Variants in TMEM26 observed in about 807,000 individuals in gnomAD.
TMEM26 encodes transmembrane protein 26.
TMEM26 carries 38 observed loss-of-function variants against 28.8 expected under a neutral mutation model. That is an observed-to-expected ratio of 1.32 (90% CI 1.02 to 1.73). The LOEUF (loss-of-function observed/expected upper bound fraction) is 1.73. TMEM26 is among the 40% of genes most tolerant of loss of function. The pLI, the probability that TMEM26 is intolerant of heterozygous loss-of-function variation, is 0.00. For missense variants in TMEM26, 518 were observed against 447.1 expected (o/e 1.16, Z -1.43); for synonymous variants, 227 against 182.9 (o/e 1.24, Z -1.95).
intron 1 of TMEM26, among the ~76,000 whole-genome samples, chr10:61,437,877 A>G (rs1335883597): frequency 6.6e-6 from 1 of 152,246 alleles, no homozygotes; most frequent in African/African-American, 2.4e-5. Flanking sequence ...ATGTCACTAT[A>G]ATTTTATTAA....
Position 61,428,978 on chromosome 10 carries a change from C to T in TMEM26, c.553G>A (p.Ala185Thr). 1 of 1,613,232 alleles carries T rather than the reference C, an allele frequency of 6.2e-7. No individual in the cohort carries two copies. The highest frequency in any genetic ancestry group is 8.5e-7 in the Non-Finnish European group (1 of 1,179,438). ...CTTGTGAATTCCAGTATGTCAGCCG[C>T]TGTCCCCACAAACATAAGAAGAAGT... ...SQLLLMFVGT[A>T]ADILEFTSET... Residue 185 changes from alanine to threonine, a missense_variant, in exon 4 of 6, where the codon GCG (alanine) becomes ACG (threonine). Physicochemically the swap from Ala to Thr is moderately conservative, Grantham distance 58 (BLOSUM62 0). Coordinates refer to ENST00000399298, the MANE Select transcript of TMEM26 (RefSeq NM_178505.8).
At chr10:61,432,392 G>T (rs971404189) in intron 2 of TMEM26, among the ~76,000 whole-genome samples, 1 of 151,982 alleles carries the variant, frequency 6.6e-6, no homozygotes, top group East Asian at 1.9e-4. Context: ...CAAGTGAATT[G>T]TGCATGATAT....
chr10:61,423,682 G>A (rs1457417565), intron 4 of TMEM26, among the ~76,000 whole-genome samples: 5 of 152,122 alleles, frequency 3.3e-5, no homozygotes, highest in South Asian at 2.1e-4. Context: ...GTGCAATGGT[G>A]ATCACACTGG....
chr10:61,422,595 G>A (rs1021425912), intron 4 of TMEM26, among the ~76,000 whole-genome samples: 3 of 152,000 alleles, frequency 2.0e-5, no homozygotes, highest in African/African-American at 7.2e-5. Context: ...AAAATATTTT[G>A]AACTGCATTA....
chr10:61,450,806 T>C (rs1372986072), intron 1 of TMEM26, among the ~76,000 whole-genome samples: 4 of 152,300 alleles, frequency 2.6e-5, no homozygotes, highest in African/African-American at 9.6e-5. Context: ...CAATGGTTTA[T>C]TGGCTAGTCA....
In TMEM26 at chr10:61,436,227, T is replaced by C. The variant is rs1424391133; in HGVS notation, c.213A>G (p.Leu71=). The C allele has an allele frequency of 2.5e-6, 4 of 1,599,602 alleles. No individual in the cohort carries two copies. The South Asian group carries it at 4.5e-5, about 18-fold the overall frequency. ...GYKWFSPAIF[L]YLISIVPSLW... is the part of the protein sequence containing the mutation. ...ATGATGGAACGATGCTAATCAGATA[T>C]AAAAATATGGCTGGTGAAAACCTGT... Residue 71 remains leucine (L), a synonymous_variant, in exon 2 of 6, where the codon TTA becomes TTG. Coordinates refer to ENST00000399298, the MANE Select transcript of TMEM26 (RefSeq NM_178505.8).
intron 3 of TMEM26, among the ~76,000 whole-genome samples, chr10:61,430,639 T>C (rs1319445597): frequency 6.6e-6 from 1 of 150,490 alleles, no homozygotes; most frequent in Non-Finnish European, 1.5e-5. Flanking sequence ...AAGGTTGATA[T>C]ACAAAAGTTA....
intron 3 of TMEM26, 137 bp from the exon 4 acceptor site, chr10:61,429,283 A>T: frequency 1.5e-6 from 1 of 686,606 alleles, no homozygotes; most frequent in Non-Finnish European, 2.4e-6. Flanking sequence ...CTTACTAAAG[A>T]AAGTAAAATG....
Position 61,408,120 on chromosome 10 carries a change from A to C in TMEM26, c.*2202T>G, listed in dbSNP as rs2135281199. 1 of 152,312 alleles carries C rather than the reference A, an allele frequency of 6.6e-6. No individual in the cohort carries two copies. Among genetic ancestry groups the C allele is most frequent in the South Asian group, 2.1e-4 (1 of 4,830 alleles). 9.4% of individuals were successfully genotyped at this position (152,312 alleles called of 1,614,324 possible). A position where few individuals can be genotyped will look rare whatever the true frequency, so the allele number is the denominator to read the frequency against. On this transcript the variant is annotated 3_prime_UTR_variant, in exon 6 of 6. Coordinates refer to ENST00000399298, the MANE Select transcript of TMEM26 (RefSeq NM_178505.8). ...GCAGCCAGTATAAGAGAGTAGGAGT[A>C]CTGGCAGCTAGGTTAACAAATGCTG... is the stretch of plus-strand genomic sequence containing the variant.
chr10:61,425,009 T>TA (rs766533864), intron 4 of TMEM26, among the ~76,000 whole-genome samples: 1 of 152,182 alleles, frequency 6.6e-6, no homozygotes, highest in Non-Finnish European at 1.5e-5. Flanking sequence ...ATGCTGCTGA[T>TA]AAAGACATAC....
At chr10:61,433,391 A>T (rs1839953890) in intron 2 of TMEM26, among the ~76,000 whole-genome samples, 1 of 152,064 alleles carries the variant, frequency 6.6e-6, no homozygotes, top group African/African-American at 2.4e-5. Context: ...GTTCACATAG[A>T]TTATCTGGAT....
intron 5 of TMEM26, 123 bp downstream of exon 5, chr10:61,413,336 G>A: frequency 6.9e-7 from 1 of 1,450,666 alleles, no homozygotes; most frequent in Non-Finnish European, 9.1e-7. Context: ...CTTCTAAGCT[G>A]AACTAGAACT....
chr10:61,439,716 A>G (rs1024763681), intron 1 of TMEM26, among the ~76,000 whole-genome samples: 2 of 152,186 alleles, frequency 1.3e-5, no homozygotes, highest in African/African-American at 4.8e-5. Flanking sequence ...TACCCATCTC[A>G]TAGTGTAGTT....
chr10:61,451,334 G>C (rs1008073694), intron 1 of TMEM26, among the ~76,000 whole-genome samples: 2 of 152,158 alleles, frequency 1.3e-5, no homozygotes, highest in African/African-American at 4.8e-5. Flanking sequence ...ACTCTTGGAG[G>C]GGGAGAGCAG....
intron 4 of TMEM26, chr10:61,414,546 A>T (rs1310094723): frequency 6.6e-6 from 1 of 152,064 alleles, no homozygotes; most frequent in Admixed American, 6.6e-5. Flanking sequence ...GAGATTTCTA[A>T]ACCATCATTA....
intron 4 of TMEM26, among the ~76,000 whole-genome samples, chr10:61,425,435 T>C (rs905370536): frequency 6.6e-5 from 10 of 152,270 alleles, no homozygotes; most frequent in African/African-American, 2.4e-4. Flanking sequence ...AAAGAACATA[T>C]TGATAGATTT....
At chr10:61,412,107 T>C (rs974075803) in intron 5 of TMEM26, among the ~76,000 whole-genome samples, 2 of 152,082 alleles carry the variant, frequency 1.3e-5, no homozygotes, top group Non-Finnish European at 2.9e-5. Context: ...TCCTAAGAAA[T>C]GAGGGCCAGG....
chr10:61,410,731 C>T lies in TMEM26; in HGVS notation c.698G>A (p.Cys233Tyr), dbSNP rs1368566933. The change falls in exon 6 of 6, where the codon TGC becomes TAC. Residue 233 changes from cysteine (C) to tyrosine (Y), a missense_variant. Physicochemically the swap from Cys to Tyr is radical, Grantham distance 194. Transcript: ENST00000399298. Reference sequence around the variant, plus strand: ...TCCCCTCTCTGTCACAGACACAGGGCACACAACGTTCTGTACTGAAAACAC... The same window carrying T: ...TCCCCTCTCTGTCACAGACACAGGGTACACAACGTTCTGTACTGAAAACAC... ...PLDLAVQNVV[C>Y]PVSVTERGFP... is the part of the protein sequence containing the mutation. The T allele has an allele frequency of 6.2e-7, 1 of 1,613,960 alleles. No individual in the cohort carries two copies. The highest frequency in any genetic ancestry group is 2.2e-5 in the East Asian group (1 of 44,862).
chr10:61,436,313 A>G, intron 1 of TMEM26, 65 bp from the exon 2 acceptor site: 7 of 1,055,432 alleles, frequency 6.6e-6, no homozygotes, highest in East Asian at 2.5e-5. Flanking sequence ...AAAAAAAATT[A>G]AGAGGAAGAA....
Sources: gnomAD v4.1 joint callset for allele counts (sites outside exome capture counted in the v4.1 genomes callset) on GRCh38, gnomAD v4.1.1 for gene constraint, MANE v1.5 for transcripts, NCBI Gene and HGNC (gene_info 2026-07-23, HGNC 2026-07-21) for gene names.